The following GABRB3 variants were observed in gnomAD, a reference collection of about 807,000 sequenced individuals.
GABRB3 encodes gamma-aminobutyric acid type A receptor subunit beta3, also known as gamma-aminobutyric acid receptor subunit beta-3.
Under a neutral mutation model 52.1 loss-of-function variants are expected in GABRB3, and 14 were observed. That is an observed-to-expected ratio of 0.27 (90% CI 0.18 to 0.42). The LOEUF (loss-of-function observed/expected upper bound fraction) is 0.42. Ranked by LOEUF, GABRB3 falls within the 10% of genes least tolerant of loss-of-function variation. The pLI is 1.00. For missense variants in GABRB3, 307 were observed against 609.1 expected, an observed-to-expected ratio of 0.50 and a Z score of 5.22; for synonymous variants, 260 against 232.3, an observed-to-expected ratio of 1.12 and a Z score of -1.08.
chr15:26,707,899 G>A (rs944315717), intron 3 of GABRB3, among the ~76,000 whole-genome samples: 31 of 152,114 alleles, frequency 2.0e-4, no homozygotes, highest in African/African-American at 7.5e-4. Flanking sequence ...AAATACTTGG[G>A]ACCAGAAGTG....
At chr15:26,684,149 T>G (rs878959) in intron 3 of GABRB3, among the ~76,000 whole-genome samples, 71,428 of 151,914 alleles carry the variant, frequency 0.47, 17,231 homozygotes, top group Admixed American at 0.6. Context: ...ACCTAGGAAG[T>G]GGGGGTGAGG....
intron 4 of GABRB3, among the ~76,000 whole-genome samples, chr15:26,597,216 T>C (rs150032299): frequency 2.2e-3 from 339 of 152,264 alleles, no homozygotes; most frequent in Non-Finnish European, 3.4e-3. Flanking sequence ...ATTCAAACCA[T>C]TGCAGGGCTT....
chr15:26,772,683 C>G lies in GABRB3; in HGVS notation c.170G>C (p.Gly57Ala). Reference sequence around the variant, plus strand: ...ACGGCCGCGCGCAGCCCACTTACCCCCGAAGTCGGGTCTTAGGCGAATGTC... The same window carrying G: ...ACGGCCGCGCGCAGCCCACTTACCCGCGAAGTCGGGTCTTAGGCGAATGTC... ...GYDIRLRPDF[G>A]GPPVCVGMNI... The change falls in exon 2 of 9, where the codon GGG (glycine) becomes GCG (alanine). Residue 57 changes from glycine to alanine, a missense_variant and splice_region_variant. Transcript: ENST00000311550. The G allele has an allele frequency of 1.9e-6, 3 of 1,570,352 alleles. No individual in the cohort carries two copies. The highest frequency in any genetic ancestry group is 2.6e-6 in the Non-Finnish European group (3 of 1,158,700).
chr15:26,613,722 T>C (rs1159788630), intron 4 of GABRB3: 2 of 152,062 alleles, frequency 1.3e-5, no homozygotes, highest in South Asian at 2.1e-4. Context: ...TGGATGGGAA[T>C]AGTGAGTCAA....
intron 6 of GABRB3, among the ~76,000 whole-genome samples, chr15:26,574,862 T>C (rs1890538317): frequency 6.6e-6 from 1 of 152,208 alleles, no homozygotes; most frequent in African/African-American, 2.4e-5. Context: ...AATGTGCCCT[T>C]TAAATGGGTA....
chr15:26,639,537 C>G (rs1259804675), intron 3 of GABRB3, among the ~76,000 whole-genome samples: 2 of 152,152 alleles, frequency 1.3e-5, no homozygotes, highest in Non-Finnish European at 2.9e-5. Flanking sequence ...CATTTTATAT[C>G]AAGGACTTGA....
chr15:26,758,114 A>T (rs1240285547), intron 3 of GABRB3, among the ~76,000 whole-genome samples: 3 of 151,422 alleles, frequency 2.0e-5, no homozygotes, highest in African/African-American at 7.3e-5. Context: ...TAGAGGTGCA[A>T]CCTAGAAACA....
In GABRB3 at chr15:26,592,395, G is replaced by A. The variant is rs1891239640; in HGVS notation, c.462-8981C>T. Among the ~76,000 whole-genome samples the A allele has an allele frequency of 2.0e-5, 3 of 152,158 alleles. No homozygotes were observed. In the South Asian group the frequency reaches 6.2e-4, roughly 32 times the overall value. On this transcript the variant is annotated intron_variant, in intron 4 of 8. Transcript: ENST00000311550. Reference sequence around the variant, plus strand: ...GTTTCTATGAATCTGTCCCACCAAAGCATAAACATTCTGAATAGAAGAAGA... The same window carrying A: ...GTTTCTATGAATCTGTCCCACCAAAACATAAACATTCTGAATAGAAGAAGA...
chr15:26,606,674 AG>A (rs1891805806), intron 4 of GABRB3, among the ~76,000 whole-genome samples: 1 of 142,966 alleles, frequency 7.0e-6, no homozygotes, highest in African/African-American at 2.6e-5. Flanking sequence ...AAAGAAAGAA[AG>A]AAAAGGCATG....
intron 3 of GABRB3, among the ~76,000 whole-genome samples, chr15:26,654,658 G>A (rs968337765): frequency 6.6e-5 from 10 of 152,102 alleles, no homozygotes; most frequent in African/African-American, 2.4e-4. Flanking sequence ...CTCCTGGGTA[G>A]GCTGACTTAA....
intron 5 of GABRB3, among the ~76,000 whole-genome samples, chr15:26,582,267 G>A (rs1890816262): frequency 6.6e-6 from 1 of 152,194 alleles, no homozygotes; most frequent in Non-Finnish European, 1.5e-5. Flanking sequence ...AGTTGAAACA[G>A]GAGCTGCTGC....
At chr15:26,569,703 A>C (rs1220400240) in intron 6 of GABRB3, among the ~76,000 whole-genome samples, 13 of 152,250 alleles carry the variant, frequency 8.5e-5, no homozygotes, top group Non-Finnish European at 2.9e-5. Context: ...TTGTCAAATT[A>C]CTTTGCAAAT....
chr15:26,601,531 C>T (rs1891588193), intron 4 of GABRB3, among the ~76,000 whole-genome samples: 1 of 152,066 alleles, frequency 6.6e-6, no homozygotes, highest in Non-Finnish European at 1.5e-5. Context: ...AAATAACTAA[C>T]ATGATGATGG....
At chr15:26,576,825 G>A (rs1347240190) in intron 6 of GABRB3, among the ~76,000 whole-genome samples, 1 of 152,112 alleles carries the variant, frequency 6.6e-6, no homozygotes, top group Admixed American at 6.5e-5. Context: ...TACTTACACG[G>A]AAAGTTTTGC....
chr15:26,648,797 T>C (rs1349705554), intron 3 of GABRB3, among the ~76,000 whole-genome samples: 1 of 152,108 alleles, frequency 6.6e-6, no homozygotes, highest in Admixed American at 6.5e-5. Context: ...CCATGGTTCC[T>C]CTCTGATGGG....
At chr15:26,619,917 C>CACACACACAAAGT (rs1555371712) in intron 4 of GABRB3, among the ~76,000 whole-genome samples, 15 of 151,676 alleles carry the variant, frequency 9.9e-5, no homozygotes, top group Middle Eastern at 6.8e-3. Flanking sequence ...ACAAACCCAA[C>CACACACACAAAGT]ACACACCACA....
At chr15:26,654,943 C>T (rs1887320606) in intron 3 of GABRB3, among the ~76,000 whole-genome samples, 1 of 152,054 alleles carries the variant, frequency 6.6e-6, no homozygotes, top group African/African-American at 2.4e-5. Flanking sequence ...GCTTATCCTC[C>T]CACCTCACTC....
intron 4 of GABRB3, among the ~76,000 whole-genome samples, chr15:26,598,338 A>G (rs945994724): frequency 2.0e-5 from 3 of 152,224 alleles, no homozygotes; most frequent in African/African-American, 7.2e-5. Flanking sequence ...AATAGGATTT[A>G]TCCCAGAAAC....
intron 3 of GABRB3, among the ~76,000 whole-genome samples, chr15:26,752,764 A>T (rs992561368): frequency 6.6e-6 from 1 of 152,098 alleles, no homozygotes; most frequent in Non-Finnish European, 1.5e-5. Context: ...GGCAATTTTC[A>T]CATGTCCATT....
Sources: allele counts gnomAD v4.1 joint callset (sites outside exome capture counted in the v4.1 genomes callset), GRCh38; gene constraint gnomAD v4.1.1; transcripts MANE v1.5; gene names NCBI Gene and HGNC (gene_info 2026-07-23, HGNC 2026-07-21).